MAGI1: variants seen among roughly 807,000 people sequenced by gnomAD.
MAGI1 encodes membrane-associated guanylate kinase, WW and PDZ domain-containing protein 1.
Under a neutral mutation model 139.9 loss-of-function variants are expected in MAGI1, and 58 were observed. The ratio of observed to expected loss-of-function variants is 0.41; its 90% confidence interval spans 0.34 to 0.52. The LOEUF (loss-of-function observed/expected upper bound fraction) is 0.52, where lower values mean the gene tolerates loss of function less well. Ranked by LOEUF, MAGI1 falls within the 20% of genes least tolerant of loss-of-function variation. MAGI1 has a pLI of 0.12. For synonymous variants in MAGI1, 812 were observed against 737.9 expected, an observed-to-expected ratio of 1.10 and a Z score of -1.63; for missense variants, 1,874 against 1,901.6, an observed-to-expected ratio of 0.99 and a Z score of 0.27.
chr3:65,680,337 T>C (rs149119092), intron 1 of MAGI1, among the ~76,000 whole-genome samples: 2 of 152,362 alleles, frequency 1.3e-5, no homozygotes, highest in African/African-American at 4.8e-5. Context: ...GATTTGAATA[T>C]GATAAGACTA....
intron 1 of MAGI1, among the ~76,000 whole-genome samples, chr3:65,924,337 G>A (rs532447429): frequency 3.3e-5 from 5 of 152,246 alleles, no homozygotes; most frequent in Admixed American, 6.5e-5. Context: ...AAGAAAGGTC[G>A]GTCTACAGCA....
At chr3:65,401,802 G>A in intron 12 of MAGI1, 1 of 1,329,820 alleles carries the variant, frequency 7.5e-7, no homozygotes, top group Non-Finnish European at 9.7e-7. Flanking sequence ...TGGATTAAGA[G>A]AGACTTAACT....
chr3:65,918,844 A>AC (rs935324436), intron 1 of MAGI1, among the ~76,000 whole-genome samples: 11 of 152,204 alleles, frequency 7.2e-5, no homozygotes, highest in Non-Finnish European at 2.9e-5. Flanking sequence ...ATGCAAGTTA[A>AC]GGAGAATGCT....
At chr3:65,721,965 C>T (rs1038940480) in intron 1 of MAGI1, among the ~76,000 whole-genome samples, 1 of 151,924 alleles carries the variant, frequency 6.6e-6, no homozygotes, top group Non-Finnish European at 1.5e-5. Context: ...GTTTCTTCTT[C>T]CTGGAATGTC....
intron 1 of MAGI1, among the ~76,000 whole-genome samples, chr3:66,012,533 A>G (rs1030958068): frequency 1.8e-4 from 28 of 152,178 alleles, no homozygotes; most frequent in African/African-American, 6.3e-4. Context: ...TGGGAGCCTG[A>G]GGCGAGTGGA....
At chr3:65,982,407 C>G (rs62243797) in intron 1 of MAGI1, among the ~76,000 whole-genome samples, 2,890 of 152,326 alleles carry the variant, frequency 0.019, 48 homozygotes, top group Non-Finnish European at 0.031. Flanking sequence ...CTTGACCTTT[C>G]TCCTTCTCAC....
chr3:65,706,666 A>G (rs954027677), intron 1 of MAGI1, among the ~76,000 whole-genome samples: 3 of 152,228 alleles, frequency 2.0e-5, no homozygotes, highest in South Asian at 2.1e-4. Context: ...GAAGGGAAAG[A>G]GATGTGGAGG....
intron 1 of MAGI1, among the ~76,000 whole-genome samples, chr3:65,753,294 C>G (rs943586100): frequency 1.1e-4 from 17 of 152,138 alleles, no homozygotes; most frequent in African/African-American, 4.1e-4. Flanking sequence ...TATAGACACT[C>G]TGCCATCATC....
intron 1 of MAGI1, among the ~76,000 whole-genome samples, chr3:65,678,919 G>C (rs1359000520): frequency 6.6e-6 from 1 of 152,004 alleles, no homozygotes; most frequent in African/African-American, 2.4e-5. Flanking sequence ...TTTTCTATCC[G>C]CATTGACACC....
chr3:65,699,108 C>A (rs1187201002), intron 1 of MAGI1, among the ~76,000 whole-genome samples: 16 of 109,974 alleles, frequency 1.5e-4, no homozygotes, highest in Non-Finnish European at 2.4e-4. Context: ...TTTATGCAGC[C>A]AAAAAACACA....
At chr3:65,857,092 T>C (rs906355682) in intron 1 of MAGI1, among the ~76,000 whole-genome samples, 18 of 152,226 alleles carry the variant, frequency 1.2e-4, no homozygotes, top group Admixed American at 3.3e-4. Context: ...ACGCACAGGC[T>C]ACACCTGGCA....
rs906538463 is a variant in MAGI1 at position 65,355,113 on chromosome 3, C to T, written c.*1265G>A. On this transcript the variant is annotated 3_prime_UTR_variant, in exon 23 of 23. Transcript: ENST00000402939. ...CATCCCGGGGCTACGGCCGACCCAA[C>T]CACAGCTCCTGTGGGATCAAAAAGA... 1 of 152,610 alleles carries T rather than the reference C, an allele frequency of 6.6e-6. No homozygotes were observed. The highest frequency in any genetic ancestry group is 6.5e-5 in the Admixed American group (1 of 15,292). The allele number at this position is 152,610 out of a possible 1,614,324, so 9.5% of individuals were successfully genotyped here.
intron 2 of MAGI1, among the ~76,000 whole-genome samples, chr3:65,531,989 TCA>T: frequency 6.6e-6 from 1 of 152,262 alleles, no homozygotes; most frequent in East Asian, 1.9e-4. Flanking sequence ...TGACCACTTC[TCA>T]CTCTCTCAGC....
At chr3:65,617,339 A>G (rs1003881464) in intron 2 of MAGI1, among the ~76,000 whole-genome samples, 1 of 152,238 alleles carries the variant, frequency 6.6e-6, no homozygotes, top group Non-Finnish European at 1.5e-5. Context: ...ATTGTACAGC[A>G]TTCCAGAGAA....
intron 1 of MAGI1, among the ~76,000 whole-genome samples, chr3:65,630,879 G>A (rs929299608): frequency 4.6e-5 from 7 of 152,244 alleles, no homozygotes; most frequent in Non-Finnish European, 1.0e-4. Flanking sequence ...AAGAGAGAGA[G>A]AGAAGCAGTC....
intron 1 of MAGI1, chr3:65,717,577 T>A (rs2032426379): frequency 6.6e-6 from 1 of 152,236 alleles, no homozygotes; most frequent in Non-Finnish European, 1.5e-5. Context: ...ATCAAATTAT[T>A]ACAGGATTCA....
At chr3:65,619,119 G>C (rs73835609) in intron 2 of MAGI1, among the ~76,000 whole-genome samples, 1,800 of 152,242 alleles carry the variant, frequency 0.012, 34 homozygotes, top group African/African-American at 0.041. Flanking sequence ...TAAGTTGTAT[G>C]GTATGTGAAT....
chr3:65,622,912 C>A (rs1029877056), intron 1 of MAGI1, among the ~76,000 whole-genome samples: 2 of 152,058 alleles, frequency 1.3e-5, no homozygotes, highest in Non-Finnish European at 2.9e-5. Context: ...AAACAAAGAC[C>A]TGGAAACAAC....
chr3:65,869,128 G>A (rs557781053), intron 1 of MAGI1, among the ~76,000 whole-genome samples: 4 of 149,062 alleles, frequency 2.7e-5, no homozygotes, highest in East Asian at 4.3e-4. Flanking sequence ...GGTGGCAGGC[G>A]CCTGTAGTCC....
Sources: allele counts gnomAD v4.1 joint callset (sites outside exome capture counted in the v4.1 genomes callset), GRCh38; gene constraint gnomAD v4.1.1; transcripts MANE v1.5; gene names NCBI Gene and HGNC (gene_info 2026-07-23, HGNC 2026-07-21).